KREMEN1: variants seen among roughly 807,000 people sequenced by gnomAD.
The protein encoded by KREMEN1 is kremen protein 1.
In KREMEN1, 30 loss-of-function variants were observed where a neutral mutation model predicts 46.5. The ratio of observed to expected loss-of-function variants is 0.65; its 90% CI spans 0.48 to 0.88. The LOEUF is 0.88. Among genes scored for constraint, KREMEN1 ranks in the 40% least tolerant of loss-of-function variants. KREMEN1 has a pLI of 0.00. For missense variants in KREMEN1, 533 were observed against 596.9 expected (o/e 0.89, Z 1.11); for synonymous variants, 214 against 230.6 (o/e 0.93, Z 0.65).
Position 29,136,574 on chromosome 22 carries a change from C to CAA in KREMEN1, c.632-754_632-753dup, listed in dbSNP as rs111377881. ...TGGGAGACAGACGGAGACTCCTTCTCAAAAAAAAAAAAAAATAGAATCCTA... is the reference window on the plus strand; with the variant it reads ...TGGGAGACAGACGGAGACTCCTTCTCAAAAAAAAAAAAAAAAATAGAATCCTA... On this transcript the variant is annotated intron_variant, in intron 5 of 8. Transcript: ENST00000400335. 3.7e-4 allele frequency among the ~76,000 whole-genome samples: 47 copies of CAA among 125,764 alleles called. No homozygotes were observed. The South Asian group carries it at 4.7e-3, about 13-fold the overall frequency. 82.5% of individuals were successfully genotyped at this position (125,764 alleles called of 152,430 possible).
intron 4 of KREMEN1, among the ~76,000 whole-genome samples, 176 bp downstream of exon 4, chr22:29,121,657 G>C (rs1601790306): frequency 6.6e-6 from 1 of 152,206 alleles, no homozygotes; most frequent in Admixed American, 6.5e-5. Context: ...ATAGAAAGCA[G>C]GTTAGTGGTT....
chr22:29,131,424 CT>C lies in KREMEN1; in HGVS notation c.632-5907del, dbSNP rs1006431006. Among the ~76,000 whole-genome samples the C allele has an allele frequency of 8.8e-4, 124 of 140,274 alleles. 1 individual carries two copies. The highest frequency in any genetic ancestry group is 1.0e-3 in the Admixed American group (14 of 13,778). 92.0% of individuals were successfully genotyped at this position (140,274 alleles called of 152,430 possible). On this transcript the variant is annotated intron_variant, in intron 5 of 8. Coordinates refer to ENST00000400335, the MANE Select transcript of KREMEN1 (RefSeq NM_001039570.3). ...AATATATAAGCAATCGAGATTAGGA[CT>C]TTTTTTTTTTATCACCTCACAAGTT...
At chr22:29,148,257 C>T (rs1469923650), downstream of KREMEN1, among the ~76,000 whole-genome samples, 2 of 152,130 alleles carry the variant, frequency 1.3e-5, no homozygotes, top group African/African-American at 4.8e-5. Flanking sequence ...CAGGGCTCTG[C>T]ACAACCCAAG....
rs1438097726 is a variant in KREMEN1 at position 29,141,966 on chromosome 22, G to C, written c.1231G>C (p.Gly411Arg). The C allele has an allele frequency of 1.2e-6, 2 of 1,605,662 alleles. No homozygotes were observed. Among genetic ancestry groups the C allele is most frequent in the Admixed American group, 1.7e-5 (1 of 57,808 alleles). The change falls in exon 9 of 9, where the codon GGG (glycine) becomes CGG (arginine). Residue 411 changes from glycine to arginine, a missense_variant. Transcript: ENST00000400335. ...TFKSHRVPAS[G>R]DLRDCHQPGT... ...CAGATCCCATCGTGTTCCTGCTTCA[G>C]GGGACCTTAGGGATTGTCATCAACC...
intron 1 of KREMEN1, among the ~76,000 whole-genome samples, chr22:29,081,847 G>A (rs114767156): frequency 0.011 from 1,687 of 152,238 alleles, 27 homozygotes; most frequent in African/African-American, 0.039. Flanking sequence ...TTGTTGCTTC[G>A]AGTTTTACTT....
chr22:29,105,463 G>GCGCACACACACACA (rs2038042010), intron 3 of KREMEN1, among the ~76,000 whole-genome samples: 1 of 112,880 alleles, frequency 8.9e-6, no homozygotes, highest in Non-Finnish European at 1.9e-5. Flanking sequence ...GTGCGTGTGC[G>GCGCACACACACACA]CACACACACA....
At chr22:29,085,567 A>G (rs1416106677) in intron 1 of KREMEN1, among the ~76,000 whole-genome samples, 1 of 152,234 alleles carries the variant, frequency 6.6e-6, no homozygotes, top group Non-Finnish European at 1.5e-5. Context: ...CAGGATCTAA[A>G]CAAGGTGTAT....
At chr22:29,149,783 TCTC>T (rs149459219), downstream of KREMEN1, among the ~76,000 whole-genome samples, 2,665 of 152,228 alleles carry the variant, frequency 0.018, 73 homozygotes, top group African/African-American at 0.061. Flanking sequence ...TGCCCTGTGT[TCTC>T]CTGAACCTGA....
intron 8 of KREMEN1, 152 bp downstream of exon 8, chr22:29,140,518 C>T (rs1225916489): frequency 6.4e-6 from 4 of 627,578 alleles, no homozygotes; most frequent in Non-Finnish European, 1.1e-5. Flanking sequence ...GACATTCCCC[C>T]TTCTTTGTAG....
intron 3 of KREMEN1, among the ~76,000 whole-genome samples, chr22:29,106,387 A>AT (rs139062787): frequency 0.057 from 8,007 of 140,572 alleles, 255 homozygotes; most frequent in East Asian, 0.13. Context: ...CGCCCAGCTA[A>AT]TTTTTTTTTT....
chr22:29,159,397 G>C (rs2038991264), intron 9 of KREMEN1, among the ~76,000 whole-genome samples: 1 of 150,634 alleles, frequency 6.6e-6, no homozygotes, highest in Non-Finnish European at 1.5e-5. Flanking sequence ...GAGGCGGGTG[G>C]ATCTTGAGGT....
chr22:29,100,536 C>T (rs2037960894), intron 3 of KREMEN1, among the ~76,000 whole-genome samples: 1 of 152,184 alleles, frequency 6.6e-6, no homozygotes, highest in South Asian at 2.1e-4. Flanking sequence ...AATAAACACA[C>T]TGCACTTCCA....
chr22:29,099,255 AGCCTAGGGG>A, intron 3 of KREMEN1: 1 of 270,866 alleles, frequency 3.7e-6, no homozygotes, highest in Non-Finnish European at 7.0e-6. Context: ...GCTCAGAAGC[AGCCTAGGGG>A]AGAAAAATAT....
rs918095880 is a variant in KREMEN1 at position 29,165,309 on chromosome 22, G to A, written c.1417-1735G>A. On this transcript the variant is annotated intron_variant, in intron 9 of 9. Coordinates refer to the KREMEN1 transcript ENST00000327813. ...CTTGTAGTCCTCCGGAGGCTGAGAC[G>A]GGAGATTCCTTGAGCCCAGGAGTTC... Among the ~76,000 whole-genome samples, 9 of 152,028 alleles carry A rather than the reference G, an allele frequency of 5.9e-5. No individual in the cohort carries two copies. The South Asian group carries it at 8.3e-4, about 14-fold the overall frequency.
chr22:29,099,545 TC>T (rs2037940613), intron 3 of KREMEN1: 2 of 147,386 alleles, frequency 1.4e-5, no homozygotes, highest in Non-Finnish European at 3.0e-5. Flanking sequence ...TCACTTTTTT[TC>T]CTTTTTTTTT....
At chr22:29,152,152 G>C (rs1180111379) in intron 9 of KREMEN1, among the ~76,000 whole-genome samples, 2 of 152,284 alleles carry the variant, frequency 1.3e-5, no homozygotes, top group African/African-American at 2.4e-5. Context: ...CCAGGAGCAA[G>C]GGCAGTCCCC....
At chr22:29,125,178 G>T in intron 4 of KREMEN1, 85 bp from the exon 5 acceptor site, 2 of 1,516,756 alleles carry the variant, frequency 1.3e-6, no homozygotes, top group Non-Finnish European at 1.8e-6. Context: ...CTGATTGCTT[G>T]CTGGAAGCCC....
chr22:29,095,886 C>G (rs887523008), intron 2 of KREMEN1, among the ~76,000 whole-genome samples: 1 of 150,208 alleles, frequency 6.7e-6, no homozygotes. Flanking sequence ...AAAAAAAAAA[C>G]TTCTCCAACA....
intron 1 of KREMEN1, among the ~76,000 whole-genome samples, chr22:29,086,767 T>C (rs564796329): frequency 1.3e-5 from 2 of 152,226 alleles, no homozygotes; most frequent in South Asian, 4.2e-4. Flanking sequence ...TCTCTATATA[T>C]ATCTTTTTTG....
Sources: allele counts gnomAD v4.1 joint callset (sites outside exome capture counted in the v4.1 genomes callset), GRCh38; gene constraint gnomAD v4.1.1; transcripts MANE v1.5; gene names NCBI Gene and HGNC (gene_info 2026-07-23, HGNC 2026-07-21).